The following GRIP1 variants were observed in gnomAD, a reference collection of about 807,000 sequenced individuals.
The protein encoded by GRIP1 is glutamate receptor interacting protein 1.
Under a neutral mutation model 129.9 loss-of-function variants are expected in GRIP1, and 45 were observed. That is an observed-to-expected ratio of 0.35 (90% CI 0.27 to 0.44). The LOEUF is 0.44. Ranked by LOEUF, GRIP1 falls within the 20% of genes least tolerant of loss-of-function variation. The probability of loss-of-function intolerance (pLI) is 1.00; values close to 1 mark genes in which losing one functional copy is unlikely to be tolerated. For synonymous variants in GRIP1, 530 were observed against 520.8 expected (o/e 1.02, Z -0.24); for missense variants, 1,196 against 1,396.8 (o/e 0.86, Z 2.29).
At chr12:66,474,595 A>G (rs2059547425) in intron 7 of GRIP1, among the ~76,000 whole-genome samples, 1 of 152,186 alleles carries the variant, frequency 6.6e-6, no homozygotes, top group South Asian at 2.1e-4. Flanking sequence ...CGGGTTACCC[A>G]CAAAGGGAAG....
At chr12:66,709,747 CCTAAGT>C (rs1347846402) in intron 1 of GRIP1, among the ~76,000 whole-genome samples, 28 of 152,040 alleles carry the variant, frequency 1.8e-4, no homozygotes, top group Non-Finnish European at 4.0e-4. Context: ...TCAGTACTCA[CCTAAGT>C]CTAACAATTT....
At chr12:66,685,094 A>G (rs2034732858) in intron 1 of GRIP1, among the ~76,000 whole-genome samples, 1 of 152,098 alleles carries the variant, frequency 6.6e-6, no homozygotes, top group African/African-American at 2.4e-5. Flanking sequence ...CCAGCATCCT[A>G]GTCCAGACCT....
chr12:67,023,897 T>G (rs2042903344), intron 1 of GRIP1, among the ~76,000 whole-genome samples: 1 of 152,006 alleles, frequency 6.6e-6, no homozygotes, highest in African/African-American at 2.4e-5. Context: ...TTTTCTCTTC[T>G]TTTTCTTTGC....
intron 1 of GRIP1, among the ~76,000 whole-genome samples, chr12:67,042,119 A>G (rs555387980): frequency 6.6e-6 from 1 of 152,248 alleles, no homozygotes; most frequent in African/African-American, 2.4e-5. Context: ...TCCCTCTCCC[A>G]TCTAGTGCAG....
intron 1 of GRIP1, among the ~76,000 whole-genome samples, chr12:67,037,233 C>T (rs183236500): frequency 0.011 from 1,669 of 151,894 alleles, 33 homozygotes; most frequent in African/African-American, 0.038. Context: ...GAGGCTGAGG[C>T]AGGAGAATGG....
At chr12:66,767,572 T>TAAA (rs35610268) in intron 1 of GRIP1, among the ~76,000 whole-genome samples, 4 of 145,976 alleles carry the variant, frequency 2.7e-5, no homozygotes, top group East Asian at 2.0e-4. Flanking sequence ...GTCTCTGTAT[T>TAAA]AAAAAAAAAA....
intron 1 of GRIP1, among the ~76,000 whole-genome samples, chr12:67,056,339 G>A (rs975021078): frequency 6.6e-6 from 1 of 152,170 alleles, no homozygotes; most frequent in East Asian, 1.9e-4. Context: ...TCATCTGAAG[G>A]CTCATTTAAC....
intron 7 of GRIP1, among the ~76,000 whole-genome samples, chr12:66,499,821 C>A (rs1488883195): frequency 1.3e-5 from 2 of 151,956 alleles, no homozygotes; most frequent in African/African-American, 4.8e-5. Context: ...CTGGGCAACA[C>A]AGGGAGACCC....
At chr12:66,768,702 A>G (rs1834725903) in intron 1 of GRIP1, among the ~76,000 whole-genome samples, 1 of 152,254 alleles carries the variant, frequency 6.6e-6, no homozygotes, top group Non-Finnish European at 1.5e-5. Flanking sequence ...GTTATACACA[A>G]TAACATCTAT....
At chr12:66,594,067 CAA>C (rs10661389) in intron 2 of GRIP1, among the ~76,000 whole-genome samples, 881 of 52,796 alleles carry the variant, frequency 0.017, 2 homozygotes, top group Admixed American at 0.024. Flanking sequence ...GACTCCGTCT[CAA>C]AAAAAAAAAA....
At chr12:66,778,088 A>C (rs1459562112) in intron 1 of GRIP1, among the ~76,000 whole-genome samples, 1 of 152,188 alleles carries the variant, frequency 6.6e-6, no homozygotes, top group Non-Finnish European at 1.5e-5. Flanking sequence ...TGCATGGTAA[A>C]ATTATACTAT....
rs555534601 is a variant in GRIP1 at position 66,913,496 on chromosome 12, A to G, written c.58+155554T>C. 3.3e-5 allele frequency among the ~76,000 whole-genome samples: 5 copies of G among 152,336 alleles called. No homozygotes were observed. In the East Asian group the frequency reaches 7.7e-4, roughly 23 times the overall value. On this transcript the variant is annotated intron_variant, in intron 1 of 1. Coordinates refer to the GRIP1 transcript ENST00000643019. ...GGTTTTCAGCAGCAATAATGCATCAAAGATCTTCCAACTGAAATTAACCTT... is the reference window on the plus strand; with the variant it reads ...GGTTTTCAGCAGCAATAATGCATCAGAGATCTTCCAACTGAAATTAACCTT...
intron 1 of GRIP1, among the ~76,000 whole-genome samples, chr12:67,054,932 T>A (rs866289903): frequency 1.8e-4 from 27 of 152,182 alleles, no homozygotes; most frequent in Admixed American, 6.6e-5. Context: ...AGTAGGGGAC[T>A]AATTATCTCA....
At chr12:66,550,056 A>G (rs1393503554) in intron 2 of GRIP1, among the ~76,000 whole-genome samples, 2 of 152,194 alleles carry the variant, frequency 1.3e-5, no homozygotes, top group African/African-American at 2.4e-5. Context: ...CTAAAGCATT[A>G]AGTTAAAAAA....
chr12:66,497,575 G>C (rs2138733859), intron 7 of GRIP1, among the ~76,000 whole-genome samples: 1 of 152,306 alleles, frequency 6.6e-6, no homozygotes, highest in Non-Finnish European at 1.5e-5. Flanking sequence ...GGGCATGTAG[G>C]ATTTGGAGGC....
intron 1 of GRIP1, among the ~76,000 whole-genome samples, chr12:66,777,665 T>C (rs1244501610): frequency 6.6e-6 from 1 of 152,134 alleles, no homozygotes; most frequent in Non-Finnish European, 1.5e-5. Context: ...CAATAAGCAT[T>C]TGTTGAATTG....
At chr12:66,656,506 C>T (rs537638034) in intron 1 of GRIP1, among the ~76,000 whole-genome samples, 2 of 152,172 alleles carry the variant, frequency 1.3e-5, no homozygotes, top group African/African-American at 4.8e-5. Flanking sequence ...GCCTCTCTGA[C>T]ACCAAGACCA....
At chr12:66,796,690 T>C (rs903241260) in intron 1 of GRIP1, among the ~76,000 whole-genome samples, 5 of 152,278 alleles carry the variant, frequency 3.3e-5, no homozygotes, top group African/African-American at 1.2e-4. Flanking sequence ...ATCTCCAGCA[T>C]GTAGAATGAC....
At chr12:66,624,650 T>A (rs2065410049) in intron 1 of GRIP1, among the ~76,000 whole-genome samples, 2 of 152,172 alleles carry the variant, frequency 1.3e-5, no homozygotes, top group Non-Finnish European at 2.9e-5. Context: ...ATACATTCAT[T>A]TTCATACCTC....
Sources: allele counts gnomAD v4.1 joint callset (sites outside exome capture counted in the v4.1 genomes callset), GRCh38; gene constraint gnomAD v4.1.1; transcripts MANE v1.5; gene names NCBI Gene and HGNC (gene_info 2026-07-23, HGNC 2026-07-21).